Variants in SASH1 observed in about 807,000 individuals in gnomAD.
SASH1 encodes the protein SAM and SH3 domain-containing protein 1.
In SASH1, 44 loss-of-function variants were observed where a neutral mutation model predicts 125.2. The observed-to-expected ratio is 0.35, with a 90% CI of 0.28 to 0.45. The LOEUF (loss-of-function observed/expected upper bound fraction) is 0.45. Among genes scored for constraint, SASH1 ranks in the 20% least tolerant of loss-of-function variants. SASH1 has a pLI of 1.00. For synonymous variants in SASH1, 639 were observed against 649.1 expected, an observed-to-expected ratio of 0.98 and a Z score of 0.24; for missense variants, 1,426 against 1,614.5, an observed-to-expected ratio of 0.88 and a Z score of 2.00.
intron 1 of SASH1, among the ~76,000 whole-genome samples, chr6:148,323,003 CTCTT>C (rs138250466): frequency 5.0e-5 from 7 of 140,812 alleles, no homozygotes; most frequent in Non-Finnish European, 7.6e-5. Context: ...CTCTCTCTCT[CTCTT>C]TCTTTCTTCT....
chr6:148,266,973 TAG>T, the SASH1 span, among the ~76,000 whole-genome samples: 16 of 152,072 alleles, frequency 1.1e-4, no homozygotes, highest in African/African-American at 3.9e-4. Context: ...CCAGGGCACA[TAG>T]AGAGTGAGGT....
At chr6:148,250,863 A>G in the SASH1 span, among the ~76,000 whole-genome samples, 4 of 152,172 alleles carry the variant, frequency 2.6e-5, no homozygotes, top group African/African-American at 9.7e-5. Flanking sequence ...CTAAAATTTT[A>G]AAAAGAAAGA....
chr6:148,546,604 G>A (rs1782588793), intron 19 of SASH1, among the ~76,000 whole-genome samples: 1 of 152,186 alleles, frequency 6.6e-6, no homozygotes, highest in South Asian at 2.1e-4. Context: ...TAATAACAAT[G>A]TATACTTGAA....
intron 8 of SASH1, among the ~76,000 whole-genome samples, chr6:148,505,462 C>T (rs1779744746): frequency 6.6e-6 from 1 of 151,316 alleles, no homozygotes; most frequent in African/African-American, 2.4e-5. Flanking sequence ...TACAGATGTG[C>T]ACTATGCCTG....
intron 11 of SASH1, among the ~76,000 whole-genome samples, chr6:148,527,057 A>G (rs1464213125): frequency 6.6e-6 from 1 of 151,874 alleles, no homozygotes; most frequent in Non-Finnish European, 1.5e-5. Flanking sequence ...TATTTTTAGT[A>G]GAGACGGGGT....
At chr6:148,216,978 C>T in the SASH1 span, among the ~76,000 whole-genome samples, 62 of 152,256 alleles carry the variant, frequency 4.1e-4, no homozygotes, top group African/African-American at 1.3e-3. Flanking sequence ...CATCCTGCCT[C>T]GGCTTCCCAG....
At chr6:148,297,246 G>A (rs575690072) in intron 1 of SASH1, among the ~76,000 whole-genome samples, 22 of 152,300 alleles carry the variant, frequency 1.4e-4, no homozygotes, top group African/African-American at 4.8e-4. Context: ...TCGCACCAGG[G>A]CCGTCACTGG....
chr6:148,425,026 A>G (rs573695698), intron 2 of SASH1, among the ~76,000 whole-genome samples: 4 of 152,306 alleles, frequency 2.6e-5, no homozygotes, highest in Non-Finnish European at 4.4e-5. Flanking sequence ...AGTGATTCCC[A>G]TGAGCAGTAC....
the SASH1 span, among the ~76,000 whole-genome samples, chr6:148,230,962 CA>C: frequency 6.6e-6 from 1 of 152,164 alleles, no homozygotes; most frequent in South Asian, 2.1e-4. Context: ...CTGTTTGCTA[CA>C]CAAAAGTTTT....
At chr6:148,515,799 C>T (rs976206177) in intron 9 of SASH1, among the ~76,000 whole-genome samples, 1 of 152,076 alleles carries the variant, frequency 6.6e-6, no homozygotes, top group Non-Finnish European at 1.5e-5. Context: ...TATGGAATTG[C>T]CAACATTCAA....
At chr6:148,546,621 T>C (rs2080118) in intron 19 of SASH1, among the ~76,000 whole-genome samples, 10,411 of 152,190 alleles carry the variant, frequency 0.068, 458 homozygotes, top group Non-Finnish European at 0.1. Flanking sequence ...TGAAAATTGC[T>C]AGGACAGCAG....
At chr6:148,414,325 ACT>A (rs1477426279) in intron 2 of SASH1, among the ~76,000 whole-genome samples, 3 of 151,762 alleles carry the variant, frequency 2.0e-5, no homozygotes, top group East Asian at 3.9e-4. Flanking sequence ...AATGTAAGAG[ACT>A]CTTAGGCAGT....
At chr6:148,332,367 T>A (rs1417628718) in intron 1 of SASH1, among the ~76,000 whole-genome samples, 1 of 152,240 alleles carries the variant, frequency 6.6e-6, no homozygotes, top group African/African-American at 2.4e-5. Context: ...CATTGCTCAA[T>A]TTCAGCAGCA....
At chr6:148,345,161 C>T (rs975957773) in intron 1 of SASH1, among the ~76,000 whole-genome samples, 6 of 152,060 alleles carry the variant, frequency 3.9e-5, no homozygotes, top group Non-Finnish European at 7.4e-5. Flanking sequence ...TACTCTAGGG[C>T]GTTGGGCTGG....
intron 2 of SASH1, among the ~76,000 whole-genome samples, chr6:148,397,618 A>G (rs904047611): frequency 2.0e-5 from 3 of 152,204 alleles, no homozygotes; most frequent in Admixed American, 1.3e-4. Flanking sequence ...AGCACCTGCA[A>G]AGTTGCTTCC....
rs751539173 is a variant in SASH1 at position 148,548,543 on chromosome 6, C to T, written c.3729C>T (p.Gly1243=). 15 of 1,605,582 alleles carry T rather than the reference C, an allele frequency of 9.3e-6. No homozygotes were observed. The East Asian group carries it at 2.5e-4, about 26-fold the overall frequency. Residue 1243 remains glycine (G), a synonymous_variant, in exon 20 of 20, where the codon GGC becomes GGT. Transcript: ENST00000367467. ...SAARLFKLPP[G]PEAM The stretch of plus-strand genomic sequence containing the variant: ...CCAGACTCTTCAAACTGCCGCCAGG[C>T]CCTGAGGCCATGTAGCCAGGCCCGG...
At chr6:148,326,365 TA>T (rs1349863998) in intron 1 of SASH1, among the ~76,000 whole-genome samples, 63 of 87,022 alleles carry the variant, frequency 7.2e-4, no homozygotes, top group African/African-American at 1.8e-3. Flanking sequence ...TATGCATATA[TA>T]TATATATACA....
intron 16 of SASH1, among the ~76,000 whole-genome samples, chr6:148,538,221 G>C (rs965392950): frequency 9.9e-5 from 15 of 152,176 alleles, no homozygotes; most frequent in Non-Finnish European, 1.5e-4. Context: ...GGTCCCCAAA[G>C]ATGCAGGCAC....
At chr6:148,503,793 A>C (rs934946127) in intron 8 of SASH1, among the ~76,000 whole-genome samples, 23 of 151,760 alleles carry the variant, frequency 1.5e-4, no homozygotes, top group African/African-American at 4.8e-4. Context: ...CAGAAACATC[A>C]GGGTGTATTT....
Sources: gnomAD v4.1 joint callset for allele counts (sites outside exome capture counted in the v4.1 genomes callset) on GRCh38, gnomAD v4.1.1 for gene constraint, MANE v1.5 for transcripts, NCBI Gene and HGNC (gene_info 2026-07-23, HGNC 2026-07-21) for gene names.